CCDC200: variants seen among roughly 807,000 people sequenced by gnomAD.
The protein encoded by CCDC200 is coiled-coil domain containing 200, also known as coiled-coil domain-containing protein 200.
chr17:43,221,982 C>G lies in CCDC200; in HGVS notation c.481-385G>C, dbSNP rs187197112. On this transcript the variant is annotated intron_variant, in intron 3 of 3. Coordinates refer to ENST00000636331, the MANE Select transcript of CCDC200 (RefSeq NM_001363254.2). ...TGGTGGTACATGCCTGTAATCCCAG[C>G]TACTCGGGAGGCTGAGGCAGGAGAA... Among the ~76,000 whole-genome samples the G allele has an allele frequency of 2.5e-3, 381 of 152,026 alleles. 2 individuals carry two copies. The highest frequency in any genetic ancestry group is 8.3e-3 in the African/African-American group (343 of 41,494).
At chr17:43,227,035 A>G (rs1011000346) in intron 1 of CCDC200, among the ~76,000 whole-genome samples, 4 of 151,858 alleles carry the variant, frequency 2.6e-5, no homozygotes, top group African/African-American at 9.7e-5. Context: ...CTGGAGTGCA[A>G]CGGCGCGATC....
At chr17:43,227,082 G>A (rs771682854) in intron 1 of CCDC200, among the ~76,000 whole-genome samples, 6 of 151,970 alleles carry the variant, frequency 3.9e-5, no homozygotes, top group Admixed American at 1.3e-4. Flanking sequence ...AGGTTCAGGC[G>A]ATTCCCCTAC....
intron 2 of CCDC200, chr17:43,223,892 C>T (rs1031693235): frequency 6.6e-6 from 1 of 152,350 alleles, no homozygotes; most frequent in East Asian, 1.9e-4. Flanking sequence ...CCTCCTCTGT[C>T]ACGCTTACTC....
chr17:43,226,561 A>G (rs1446778940), intron 1 of CCDC200, among the ~76,000 whole-genome samples: 3 of 151,638 alleles, frequency 2.0e-5, no homozygotes, highest in Admixed American at 6.6e-5. Context: ...ATGCCTGGCT[A>G]ATTTTTCTAT....
chr17:43,223,965 C>T (rs941811244), intron 2 of CCDC200: 4 of 152,222 alleles, frequency 2.6e-5, no homozygotes, highest in Admixed American at 6.5e-5. Context: ...CCTTTGCAGC[C>T]GTAGGTTGGC....
rs2057552485 is a variant in CCDC200, at chr17:43,224,243, G to A, written c.412C>T (p.Gln138Ter). ...HTSKCNLQDS[Q>*]RPGLMNPCQS... The stretch of plus-strand genomic sequence containing the variant: ...GAAGTAGGCTGGTGACCTGGCCTTT[G>A]GGAATCCTGGAGATTGCATTTGGAG... The change falls in exon 2 of 4, where the codon CAA becomes TAA. Residue 138 changes from glutamine (Q) to a stop codon, truncating the protein, a stop_gained. Coordinates refer to ENST00000636331, the MANE Select transcript of CCDC200 (RefSeq NM_001363254.2). LOFTEE classifies it high-confidence loss of function. The A allele has an allele frequency of 6.5e-6, 1 of 153,662 alleles. No individual in the cohort carries two copies. The highest frequency in any genetic ancestry group is 2.4e-5 in the African/African-American group (1 of 41,444). 9.5% of individuals were successfully genotyped at this position (153,662 alleles called of 1,614,324 possible). A position where few individuals can be genotyped will look rare whatever the true frequency, so the allele number is the denominator to read the frequency against.
chr17:43,226,797 CT>C (rs2057572566), intron 1 of CCDC200, among the ~76,000 whole-genome samples: 1 of 152,108 alleles, frequency 6.6e-6, no homozygotes, highest in Non-Finnish European at 1.5e-5. Context: ...CAAAACCTAG[CT>C]TGAATTTGAA....
Position 43,224,336 on chromosome 17 carries a change from GCTGTGGCCCTGGCCACACCTGTGC to G in CCDC200, c.295_318del (p.Ala99_Gln106del), listed in dbSNP as rs2057553124. On this transcript the variant is annotated inframe_deletion, in exon 2 of 4. Coordinates refer to ENST00000636331, the MANE Select transcript of CCDC200 (RefSeq NM_001363254.2). The stretch of plus-strand genomic sequence containing the variant: ...TGAGGTGGTGGCTGTGGTTGTGGTG[GCTGTGGCCCTGGCCACACCTGTGC>G]CTGTGGCAATGTTGATGGCTGTGGT... 6.4e-6 allele frequency: 1 copy of G among 156,210 alleles called. No homozygotes were observed. The highest frequency in any genetic ancestry group is 6.5e-5 in the Admixed American group (1 of 15,304). The allele number at this position is 156,210 out of a possible 1,614,324, so 9.7% of individuals were successfully genotyped here. A position where few individuals can be genotyped will look rare whatever the true frequency, so the allele number is the denominator to read the frequency against.
chr17:43,224,121 C>T (rs1473128304), intron 2 of CCDC200, 113 bp downstream of exon 2: 1 of 152,870 alleles, frequency 6.5e-6, no homozygotes, highest in African/African-American at 2.4e-5. Context: ...CCACCTCCCA[C>T]TCCCAGGCTC....
At chr17:43,227,885 G>C (rs2057581572) in intron 1 of CCDC200, among the ~76,000 whole-genome samples, 1 of 152,298 alleles carries the variant, frequency 6.6e-6, no homozygotes, top group Admixed American at 6.5e-5. Context: ...GAGGTGGGTG[G>C]ATCACCTGAG....
chr17:43,223,056 C>T (rs1033319200), intron 3 of CCDC200, among the ~76,000 whole-genome samples: 9 of 151,550 alleles, frequency 5.9e-5, no homozygotes, highest in African/African-American at 1.2e-4. Flanking sequence ...TGTGAGCCAC[C>T]GTGCCTGGCT....
At chr17:43,225,958 T>G (rs986064449) in intron 1 of CCDC200, among the ~76,000 whole-genome samples, 1 of 151,720 alleles carries the variant, frequency 6.6e-6, no homozygotes, top group Non-Finnish European at 1.5e-5. Context: ...GGTCTCGAAC[T>G]CCTGACCTTG....
chr17:43,222,589 CTT>C (rs34235178), intron 3 of CCDC200, among the ~76,000 whole-genome samples: 65 of 139,756 alleles, frequency 4.7e-4, no homozygotes, highest in Middle Eastern at 3.8e-3. Flanking sequence ...GCATTTTTTC[CTT>C]TTTTTTTTTT....
chr17:43,222,561 T>C (rs991519208), intron 3 of CCDC200, among the ~76,000 whole-genome samples: 6 of 151,336 alleles, frequency 4.0e-5, no homozygotes, highest in Middle Eastern at 3.4e-3. Context: ...CGCTGAGCAA[T>C]AGGCCATCCA....
chr17:43,223,246 ATTTTTTT>A (rs1382906549), intron 3 of CCDC200, among the ~76,000 whole-genome samples: 1 of 84,830 alleles, frequency 1.2e-5, no homozygotes, highest in Non-Finnish European at 2.3e-5. Flanking sequence ...ATTTTTTTCA[ATTTTTTT>A]TTTTTTTTGG....
intron 1 of CCDC200, among the ~76,000 whole-genome samples, chr17:43,225,935 T>C (rs2057566708): frequency 6.6e-6 from 1 of 151,098 alleles, no homozygotes; most frequent in Non-Finnish European, 1.5e-5. Flanking sequence ...GGTTTCACCA[T>C]GTTGGCCAGG....
chr17:43,223,463 C>G (rs1421250490), intron 3 of CCDC200, 93 bp downstream of exon 3: 2 of 149,550 alleles, frequency 1.3e-5, no homozygotes, highest in African/African-American at 4.9e-5. Context: ...CTGGACTACA[C>G]ACACACACAC....
chr17:43,230,842 G>C (rs1364921544), upstream of CCDC200, among the ~76,000 whole-genome samples: 4 of 93,936 alleles, frequency 4.3e-5, 2 homozygotes, highest in Non-Finnish European at 1.1e-4. Context: ...TTAGCCAGAC[G>C]TAGTGGCAGG....
intron 3 of CCDC200, among the ~76,000 whole-genome samples, 177 bp downstream of exon 3, chr17:43,223,379 A>G (rs566521219): frequency 8.4e-4 from 127 of 150,394 alleles, no homozygotes; most frequent in South Asian, 2.3e-3. Flanking sequence ...GGCAAAGAAT[A>G]GAGGAATAGA....
Sources: gnomAD v4.1 joint callset for allele counts (sites outside exome capture counted in the v4.1 genomes callset) on GRCh38, gnomAD v4.1.1 for gene constraint, MANE v1.5 for transcripts, NCBI Gene and HGNC (gene_info 2026-07-23, HGNC 2026-07-21) for gene names.